The following CACNA2D3 variants were observed in gnomAD, a reference collection of about 807,000 sequenced individuals.
CACNA2D3 encodes the protein voltage-dependent calcium channel subunit alpha-2/delta-3.
CACNA2D3 carries 60 observed loss-of-function variants against 160.6 expected under a neutral mutation model. The observed-to-expected ratio is 0.37, with a 90% CI of 0.30 to 0.46. CACNA2D3 has a LOEUF of 0.46. Among genes scored for constraint, CACNA2D3 ranks in the 20% least tolerant of loss-of-function variants. The pLI is 1.00. For synonymous variants in CACNA2D3, 558 were observed against 492.9 expected, an observed-to-expected ratio of 1.13 and a Z score of -1.75; for missense variants, 1,205 against 1,365.0, an observed-to-expected ratio of 0.88 and a Z score of 1.85.
intron 2 of CACNA2D3, among the ~76,000 whole-genome samples, chr3:54,224,940 C>CTTTTT (rs58653320): frequency 3.1e-5 from 4 of 128,008 alleles, no homozygotes; most frequent in African/African-American, 1.2e-4. Context: ...GACTGAATAT[C>CTTTTT]TTTTTTTTTT....
intron 11 of CACNA2D3, among the ~76,000 whole-genome samples, chr3:54,702,042 A>G (rs911713286): frequency 3.9e-5 from 6 of 152,208 alleles, no homozygotes; most frequent in African/African-American, 1.4e-4. Flanking sequence ...TGGTGCTGGG[A>G]TAATTGGCTA....
chr3:54,773,648 T>A (rs181177096), intron 13 of CACNA2D3, among the ~76,000 whole-genome samples: 2 of 152,338 alleles, frequency 1.3e-5, no homozygotes, highest in Non-Finnish European at 2.9e-5. Context: ...ATTACAGTAC[T>A]TTATTTCCAT....
chr3:54,250,368 A>G (rs550352719), intron 2 of CACNA2D3, among the ~76,000 whole-genome samples: 2 of 152,194 alleles, frequency 1.3e-5, no homozygotes, highest in Non-Finnish European at 2.9e-5. Context: ...TTCTAATTAT[A>G]TATATCTTTA....
intron 2 of CACNA2D3, among the ~76,000 whole-genome samples, chr3:54,272,591 G>C (rs1702642878): frequency 6.6e-6 from 1 of 151,778 alleles, no homozygotes; most frequent in Non-Finnish European, 1.5e-5. Context: ...AGGACTCAGG[G>C]CTCCTTCCCA....
chr3:54,691,855 T>A (rs1700577868), intron 11 of CACNA2D3, among the ~76,000 whole-genome samples: 2 of 152,022 alleles, frequency 1.3e-5, no homozygotes, highest in South Asian at 4.2e-4. Context: ...GAGAATGCAG[T>A]GGATGCCTTC....
At chr3:54,419,852 G>A (rs9857494) in intron 4 of CACNA2D3, among the ~76,000 whole-genome samples, 36,098 of 151,984 alleles carry the variant, frequency 0.24, 4,414 homozygotes, top group Admixed American at 0.32. Flanking sequence ...TGCAACCTCC[G>A]TCTCCTGGAT....
chr3:54,716,353 G>T (rs898246580), intron 11 of CACNA2D3, among the ~76,000 whole-genome samples: 3 of 152,248 alleles, frequency 2.0e-5, no homozygotes, highest in Middle Eastern at 3.4e-3. Flanking sequence ...TCTGAAGAGG[G>T]TTTTGAGGGC....
intron 11 of CACNA2D3, among the ~76,000 whole-genome samples, chr3:54,645,268 A>G (rs957207512): frequency 7.9e-5 from 12 of 152,168 alleles, no homozygotes; most frequent in Non-Finnish European, 1.8e-4. Context: ...TGAGAACTGC[A>G]TGGGGGAGAC....
At chr3:54,253,154 A>G (rs1361864623) in intron 2 of CACNA2D3, among the ~76,000 whole-genome samples, 1 of 150,834 alleles carries the variant, frequency 6.6e-6, no homozygotes, top group Non-Finnish European at 1.5e-5. Context: ...AAATACTATA[A>G]TGACACTGTA....
chr3:54,149,267 GCACACACACACACACACA>G (rs3060363), intron 2 of CACNA2D3, among the ~76,000 whole-genome samples: 1 of 144,328 alleles, frequency 6.9e-6, no homozygotes, highest in Non-Finnish European at 1.5e-5. Flanking sequence ...GGTCCCATGT[GCACACACACACACACACA>G]CACACACACA....
At chr3:54,361,978 G>A (rs1203964872) in intron 3 of CACNA2D3, among the ~76,000 whole-genome samples, 1 of 152,184 alleles carries the variant, frequency 6.6e-6, no homozygotes, top group Non-Finnish European at 1.5e-5. Context: ...CCATCAACAT[G>A]AGCGTTAACA....
chr3:54,671,597 C>T (rs990083632), intron 11 of CACNA2D3, among the ~76,000 whole-genome samples: 1 of 152,104 alleles, frequency 6.6e-6, no homozygotes, highest in East Asian at 1.9e-4. Flanking sequence ...TCCAGTGTTT[C>T]CCCCAGCAGA....
chr3:54,207,337 G>T (rs1701292926), intron 2 of CACNA2D3, among the ~76,000 whole-genome samples: 1 of 150,748 alleles, frequency 6.6e-6, no homozygotes, highest in Non-Finnish European at 1.5e-5. Context: ...ACTTGCCAAG[G>T]TCACACAGCT....
chr3:54,894,540 G>T, intron 25 of CACNA2D3: 1 of 481,868 alleles, frequency 2.1e-6, no homozygotes, highest in Non-Finnish European at 4.2e-6. Context: ...CTGGAAAAAG[G>T]TCCCCTGTGG....
Position 55,021,697 on chromosome 3 carries a change from G to GTA in CACNA2D3, c.2987+3390_2987+3391dup, listed in dbSNP as rs1276712547. On this transcript the variant is annotated intron_variant, in intron 35 of 37. Coordinates refer to ENST00000474759, the MANE Select transcript of CACNA2D3 (RefSeq NM_018398.3). Reference sequence around the variant, plus strand: ...TATATGTGTATATATATATATGTGTGTATATATATATGTGTGTGTATATAT... The same window carrying GTA: ...TATATGTGTATATATATATATGTGTGTATATATATATATGTGTGTGTATATAT... Among the ~76,000 whole-genome samples the GTA allele has an allele frequency of 9.4e-5, 13 of 138,706 alleles. 1 individual carries two copies. The highest frequency in any genetic ancestry group is 6.4e-4 in the South Asian group (3 of 4,678). The allele number at this position is 138,706 out of a possible 152,430, so 91.0% of individuals were successfully genotyped here. A position where few individuals can be genotyped will look rare whatever the true frequency, so the allele number is the denominator to read the frequency against.
chr3:54,423,984 T>C (rs1008039063), intron 4 of CACNA2D3, among the ~76,000 whole-genome samples: 30 of 151,554 alleles, frequency 2.0e-4, no homozygotes, highest in Non-Finnish European at 3.4e-4. Flanking sequence ...CTCAAACCCC[T>C]GTGGTCAAGG....
At chr3:54,438,955 A>G (rs150701538) in intron 4 of CACNA2D3, among the ~76,000 whole-genome samples, 132 of 152,328 alleles carry the variant, frequency 8.7e-4, no homozygotes, top group African/African-American at 2.7e-3. Flanking sequence ...TGTACCTCCT[A>G]TAACTCTGCA....
intron 2 of CACNA2D3, among the ~76,000 whole-genome samples, chr3:54,169,951 G>A (rs572330326): frequency 6.6e-6 from 1 of 152,216 alleles, no homozygotes; most frequent in South Asian, 2.1e-4. Context: ...AGTATGGGTG[G>A]CTGAGGTGGG....
intron 17 of CACNA2D3, among the ~76,000 whole-genome samples, chr3:54,862,031 G>T (rs1699301613): frequency 6.6e-6 from 1 of 152,124 alleles, no homozygotes; most frequent in African/African-American, 2.4e-5. Flanking sequence ...GTATTTTGCT[G>T]GATCACCTAT....
Sources: allele counts gnomAD v4.1 joint callset (sites outside exome capture counted in the v4.1 genomes callset), GRCh38; gene constraint gnomAD v4.1.1; transcripts MANE v1.5; gene names NCBI Gene and HGNC (gene_info 2026-07-23, HGNC 2026-07-21).